The following DIAPH2 variants were observed in gnomAD, a reference collection of about 807,000 sequenced individuals.
The protein encoded by DIAPH2 is diaphanous related formin 2, also known as protein diaphanous homolog 2.
DIAPH2 carries 35 observed loss-of-function variants against 92.7 expected under a neutral mutation model. That is an observed-to-expected ratio of 0.38 (90% confidence interval 0.29 to 0.50). The LOEUF is 0.50. DIAPH2 is among the 20% of genes least tolerant of loss of function. DIAPH2 has a pLI of 0.94. For synonymous variants in DIAPH2, 301 were observed against 280.4 expected, an observed-to-expected ratio of 1.07 and a Z score of -0.73; for missense variants, 701 against 819.5, an observed-to-expected ratio of 0.86 and a Z score of 1.77.
At chrX:97,481,228 C>T (rs1335446849) in intron 26 of DIAPH2, among the ~76,000 whole-genome samples, 1 of 111,881 alleles carries the variant, frequency 8.9e-6, no homozygotes, top group East Asian at 2.8e-4. Context: ...TATTCTGACA[C>T]TTGTTAAATA....
rs1161893607 is a variant in DIAPH2 at position 97,446,858 on chromosome X, CAA to C, written c.3241+17128_3241+17129del. On this transcript the variant is annotated intron_variant, in intron 26 of 26. Coordinates refer to ENST00000324765, the MANE Select transcript of DIAPH2 (RefSeq NM_006729.5). ...GGTGGGTTATAAAAGTTAAATGTTG[CAA>C]AAAAAAAAAAAAAACTATGAAAGAA... Among the ~76,000 whole-genome samples, 386 of 65,878 alleles carry C rather than the reference CAA, an allele frequency of 5.9e-3. 2 individuals are homozygous for C. The highest frequency in any genetic ancestry group is 0.018 in the African/African-American group (355 of 19,399). The allele number at this position is 65,878 out of a possible 115,157, so 57.2% of individuals were successfully genotyped here. A position where few individuals can be genotyped will look rare whatever the true frequency, so the allele number is the denominator to read the frequency against.
chrX:96,765,607 A>T (rs1196052309), intron 4 of DIAPH2, among the ~76,000 whole-genome samples: 3 of 111,969 alleles, frequency 2.7e-5, no homozygotes, highest in Non-Finnish European at 5.6e-5. Flanking sequence ...TTATATGCAT[A>T]GGAAAAAGCA....
chrX:97,450,753 C>T (rs1024339574), intron 26 of DIAPH2, among the ~76,000 whole-genome samples: 6 of 111,252 alleles, frequency 5.4e-5, no homozygotes, highest in African/African-American at 2.0e-4. Context: ...CTTTTATTAA[C>T]ATACCTACAT....
intron 22 of DIAPH2, among the ~76,000 whole-genome samples, chrX:97,154,591 G>A (rs761758718): frequency 4.5e-5 from 5 of 110,615 alleles, no homozygotes; most frequent in Non-Finnish European, 9.5e-5. Context: ...TTCCTTCTAC[G>A]TGTCCACAGA....
intron 4 of DIAPH2, among the ~76,000 whole-genome samples, chrX:96,785,720 AC>A (rs1340505559): frequency 9.3e-6 from 1 of 107,832 alleles, no homozygotes; most frequent in African/African-American, 3.4e-5. Flanking sequence ...CAGGTGATCC[AC>A]CCGCCTTGGC....
chrX:97,439,370 C>T (rs1374558697), intron 26 of DIAPH2, among the ~76,000 whole-genome samples: 2 of 110,494 alleles, frequency 1.8e-5, no homozygotes, highest in Admixed American at 1.9e-4. Flanking sequence ...GTCAGGAGTT[C>T]GAGACCAGCC....
At chrX:97,017,101 A>G (rs915899063) in intron 17 of DIAPH2, among the ~76,000 whole-genome samples, 1 of 111,805 alleles carries the variant, frequency 8.9e-6, no homozygotes, top group Admixed American at 9.6e-5. Context: ...TTTTTTAGGC[A>G]CATCTACTGG....
At chrX:97,570,453 G>A (rs1389414576) in intron 26 of DIAPH2, among the ~76,000 whole-genome samples, 4 of 108,352 alleles carry the variant, frequency 3.7e-5, no homozygotes, top group Non-Finnish European at 7.6e-5. Context: ...GATGAATTGT[G>A]ACTAGCTTTC....
chrX:97,069,811 T>C (rs1229869128), intron 17 of DIAPH2, among the ~76,000 whole-genome samples: 2 of 112,396 alleles, frequency 1.8e-5, no homozygotes, highest in Non-Finnish European at 3.8e-5. Flanking sequence ...TAATAACTTG[T>C]CACATGTTCT....
chrX:97,351,456 C>T (rs750710953), intron 24 of DIAPH2, among the ~76,000 whole-genome samples: 9 of 111,536 alleles, frequency 8.1e-5, no homozygotes, highest in African/African-American at 2.0e-4. Flanking sequence ...TGTTAAGGTG[C>T]GATAATAACA....
At chrX:96,833,600 C>T (rs894610052) in intron 4 of DIAPH2, among the ~76,000 whole-genome samples, 1 of 111,225 alleles carries the variant, frequency 9.0e-6, no homozygotes, top group East Asian at 2.8e-4. Flanking sequence ...CTAGAAAAAT[C>T]AGATAGATTC....
intron 21 of DIAPH2, among the ~76,000 whole-genome samples, chrX:97,120,467 G>A (rs1428346426): frequency 1.8e-5 from 2 of 109,879 alleles, no homozygotes; most frequent in Admixed American, 9.8e-5. Flanking sequence ...CCCTGCAGTC[G>A]TTTTGGAGCT....
intron 26 of DIAPH2, among the ~76,000 whole-genome samples, chrX:97,598,023 G>A (rs2071565909): frequency 9.0e-6 from 1 of 111,162 alleles, no homozygotes; most frequent in African/African-American, 3.3e-5. Context: ...TGCTCTGTTT[G>A]CTGACCACAG....
chrX:97,288,978 C>A (rs1257348086), intron 23 of DIAPH2, among the ~76,000 whole-genome samples: 2 of 111,314 alleles, frequency 1.8e-5, no homozygotes, highest in African/African-American at 6.5e-5. Context: ...TTGATGAATT[C>A]TTCCCGTGTA....
chrX:97,429,852 CT>C, intron 26 of DIAPH2, 107 bp downstream of exon 26: 1 of 757,530 alleles, frequency 1.3e-6, no homozygotes, highest in Non-Finnish European at 1.8e-6. Context: ...CTCATGAAGA[CT>C]TTTTTTAACA....
chrX:96,977,103 A>G (rs140149874), intron 17 of DIAPH2, among the ~76,000 whole-genome samples: 4,439 of 111,468 alleles, frequency 0.04, 105 homozygotes, highest in Middle Eastern at 0.081. Flanking sequence ...TAATTTGTGC[A>G]TTTTGTTGCA....
chrX:97,098,978 A>G lies in DIAPH2; in HGVS notation c.2248-716A>G, dbSNP rs765104223. Among the ~76,000 whole-genome samples the G allele has an allele frequency of 3.0e-3, 342 of 112,348 alleles. 3 individuals carry two copies. The highest frequency in any genetic ancestry group is 0.011 in the African/African-American group (340 of 30,978). On this transcript the variant is annotated intron_variant, in intron 19 of 26. Coordinates refer to ENST00000324765, the MANE Select transcript of DIAPH2 (RefSeq NM_006729.5). ...GTGTACTTAAATATAGACATTGTAG[A>G]TAATGGGAGATGTTGTACAAGCCAG... is the stretch of plus-strand genomic sequence containing the variant.
chrX:97,397,386 C>G (rs1036497458), intron 25 of DIAPH2, among the ~76,000 whole-genome samples: 12 of 111,555 alleles, frequency 1.1e-4, no homozygotes, highest in Non-Finnish European at 2.3e-4. Flanking sequence ...TTTTGTCAGA[C>G]TAGATATTTC....
chrX:96,961,414 T>C (rs1415832175), intron 16 of DIAPH2, among the ~76,000 whole-genome samples: 2 of 107,020 alleles, frequency 1.9e-5, no homozygotes, highest in Non-Finnish European at 3.9e-5. Context: ...TTTTTTTTTT[T>C]CTTTTCTTGG....
Sources: gnomAD v4.1 joint callset for allele counts (sites outside exome capture counted in the v4.1 genomes callset) on GRCh38, gnomAD v4.1.1 for gene constraint, MANE v1.5 for transcripts, NCBI Gene and HGNC (gene_info 2026-07-23, HGNC 2026-07-21) for gene names.